The following CREBBP variants were observed in gnomAD, a reference collection of about 807,000 sequenced individuals.
CREBBP encodes CREB-binding protein.
Under a neutral mutation model 265.0 loss-of-function variants are expected in CREBBP, and 19 were observed. The ratio of observed to expected loss-of-function variants is 0.07; its 90% CI spans 0.05 to 0.11. CREBBP has a LOEUF of 0.11. CREBBP is among the 10% of genes least tolerant of loss of function. The pLI is 1.00. For missense variants in CREBBP, 2,525 were observed against 3,219.0 expected (o/e 0.78, Z 5.22); for synonymous variants, 1,457 against 1,223.7 (o/e 1.19, Z -3.98).
intron 2 of CREBBP, among the ~76,000 whole-genome samples, chr16:3,826,220 G>A (rs1031506657): frequency 2.0e-5 from 3 of 152,072 alleles, no homozygotes; most frequent in African/African-American, 7.2e-5. Context: ...CTCGGCGGGC[G>A]GGGAGCAAGA....
At chr16:3,879,746 T>A (rs2055485403) in intron 1 of CREBBP, 86 bp downstream of exon 1, 1 of 1,407,316 alleles carries the variant, frequency 7.1e-7, no homozygotes, top group Admixed American at 2.0e-5. Context: ...TCGATCGGTA[T>A]CCGCGACCAC....
intron 1 of CREBBP, among the ~76,000 whole-genome samples, chr16:3,874,116 G>C (rs1322864275): frequency 6.6e-6 from 1 of 152,094 alleles, no homozygotes; most frequent in Admixed American, 6.5e-5. Flanking sequence ...TCAACAAAAA[G>C]CAAAAGAACA....
rs2054802099 is a variant in CREBBP at position 3,850,309 on chromosome 16, T to C, written c.786A>G (p.Gly262=). 2 of 1,614,130 alleles carry C rather than the reference T, an allele frequency of 1.2e-6. No individual in the cohort carries two copies. The highest frequency in any genetic ancestry group is 2.2e-5 in the South Asian group (2 of 91,094). The change falls in exon 2 of 31, where the codon GGA becomes GGG. Residue 262 remains glycine, a synonymous_variant. Coordinates refer to ENST00000262367, the MANE Select transcript of CREBBP (RefSeq NM_004380.3). The part of the protein sequence containing the change: ...GHAGLNTAQA[G]GMAKMGITGN... ...TCAGTTCACTTACCTTGGCCATGCCTCCTGCCTGTGCGGTGTTCAGTCCCG... is the reference window on the plus strand; with the variant it reads ...TCAGTTCACTTACCTTGGCCATGCCCCCTGCCTGTGCGGTGTTCAGTCCCG...
chr16:3,815,345 G>A (rs2054016783), intron 2 of CREBBP, among the ~76,000 whole-genome samples: 1 of 151,992 alleles, frequency 6.6e-6, no homozygotes. Context: ...TTCGAGACCA[G>A]CCTGGCCAAC....
intron 28 of CREBBP, among the ~76,000 whole-genome samples, chr16:3,733,137 C>T (rs1178436452): frequency 3.3e-4 from 50 of 151,866 alleles, no homozygotes; most frequent in African/African-American, 2.4e-5. Context: ...CCAAGGCAGG[C>T]GGATCTCGAG....
At chr16:3,790,122 T>C (rs953069368) in intron 5 of CREBBP, among the ~76,000 whole-genome samples, 2 of 152,156 alleles carry the variant, frequency 1.3e-5, no homozygotes, top group East Asian at 1.9e-4. Flanking sequence ...AAAGAGCCTA[T>C]TACTGAAATG....
At position 3,731,711 on chromosome 16, in the gene CREBBP, C is replaced by T. The variant is rs2151318395; in HGVS notation, c.4890+65G>A. On this transcript the variant is annotated intron_variant, in intron 29 of 30. Coordinates refer to ENST00000262367, the MANE Select transcript of CREBBP (RefSeq NM_004380.3). The surrounding 1 kb of genome is among the most constrained non-coding windows in gnomAD (Gnocchi z 7.7). ...AGACCTGCACACGGGCCCACGCCCG[C>T]CAGCTGCGAGTCTTTCCCTCCTCCC... The T allele has an allele frequency of 6.2e-7, 1 of 1,608,930 alleles. No homozygotes were observed. The highest frequency in any genetic ancestry group is 8.5e-7 in the Non-Finnish European group (1 of 1,176,142).
intron 1 of CREBBP, among the ~76,000 whole-genome samples, chr16:3,866,760 C>T (rs1295455135): frequency 6.6e-6 from 1 of 152,030 alleles, no homozygotes; most frequent in African/African-American, 2.4e-5. Flanking sequence ...TAGAAATTTC[C>T]TACATACACC....
Position 3,729,779 on chromosome 16 carries a change from C to T in CREBBP, c.5268G>A (p.Gln1756=), listed in dbSNP as rs2051860601. 1.2e-6 allele frequency: 2 copies of T among 1,606,082 alleles called. No homozygotes were observed. Among genetic ancestry groups the T allele is most frequent in the Non-Finnish European group, 1.7e-6 (2 of 1,179,530 alleles). ...GGGGGCTCTTTGACTGTGGCTCGCC[C>T]TGGCTGCTGCCCTCGTCATCCAGGC... ...GLGLDDEGSS[Q]GEPQSKSPQE... is the part of the protein sequence containing the mutation. Residue 1756 remains glutamine, a synonymous_variant, in exon 31 of 31, where the codon CAG becomes CAA. Transcript: ENST00000262367.
Position 3,828,161 on chromosome 16 carries a change from C to T in CREBBP, c.799-17382G>A, listed in dbSNP as rs566497345. Among the ~76,000 whole-genome samples, 99 of 152,052 alleles carry T rather than the reference C, an allele frequency of 6.5e-4. 1 individual carries two copies. The highest frequency in any genetic ancestry group is 2.2e-3 in the African/African-American group (92 of 41,484). On this transcript the variant is annotated intron_variant, in intron 2 of 30. Coordinates refer to ENST00000262367, the MANE Select transcript of CREBBP (RefSeq NM_004380.3). The stretch of plus-strand genomic sequence containing the variant: ...AGGCTAGAGTGCAGTGGCGCAACCT[C>T]GGCTCACCGCAACCTCTGCCTCCTG...
chr16:3,743,341 T>G (rs1383312437), intron 23 of CREBBP: 1 of 152,260 alleles, frequency 6.6e-6, no homozygotes, highest in Non-Finnish European at 1.5e-5. Flanking sequence ...ATGAGTGATA[T>G]TTCACAAGTT....
At chr16:3,848,507 GA>G (rs772908108) in intron 2 of CREBBP, among the ~76,000 whole-genome samples, 7 of 152,130 alleles carry the variant, frequency 4.6e-5, no homozygotes, top group Non-Finnish European at 8.8e-5. Flanking sequence ...GACGGATGAT[GA>G]AATGTGTTTC....
intron 1 of CREBBP, among the ~76,000 whole-genome samples, chr16:3,878,833 C>G (rs1156949381): frequency 6.6e-6 from 1 of 152,192 alleles, no homozygotes; most frequent in Non-Finnish European, 1.5e-5. Context: ...GGAAATACAA[C>G]TAGTTCATGT....
At chr16:3,780,704 T>C in intron 8 of CREBBP, 28 bp downstream of exon 8, 2 of 1,612,636 alleles carry the variant, frequency 1.2e-6, no homozygotes, top group Non-Finnish European at 1.7e-6. Flanking sequence ...AAATCAAACA[T>C]CTATGAAACT....
chr16:3,823,016 TC>T (rs1487268520), intron 2 of CREBBP, among the ~76,000 whole-genome samples: 7 of 152,156 alleles, frequency 4.6e-5, no homozygotes, highest in African/African-American at 1.7e-4. Flanking sequence ...GAGAAAACGT[TC>T]CTTCTAAGTT....
chr16:3,809,013 T>C (rs2053885288), intron 3 of CREBBP, among the ~76,000 whole-genome samples: 1 of 152,170 alleles, frequency 6.6e-6, no homozygotes. Context: ...GTTCTGGACC[T>C]GCACTATCAG....
chr16:3,874,982 CCTAA>C (rs1289603496), intron 1 of CREBBP, among the ~76,000 whole-genome samples: 5 of 152,208 alleles, frequency 3.3e-5, no homozygotes, highest in African/African-American at 1.2e-4. Context: ...AAATCATTTT[CCTAA>C]CTGTTTTCAA....
At chr16:3,754,142 A>G (rs2052536174) in intron 19 of CREBBP, among the ~76,000 whole-genome samples, 1 of 151,922 alleles carries the variant, frequency 6.6e-6, no homozygotes, top group African/African-American at 2.4e-5. Flanking sequence ...TTATCAACAG[A>G]CTCCTTGTCT....
At chr16:3,788,108 G>A (rs1264431691) in intron 5 of CREBBP, among the ~76,000 whole-genome samples, 3 of 152,218 alleles carry the variant, frequency 2.0e-5, no homozygotes, top group Non-Finnish European at 2.9e-5. Flanking sequence ...GGGACAGTGC[G>A]TGCATTAGGC....
Sources: allele counts gnomAD v4.1 joint callset (sites outside exome capture counted in the v4.1 genomes callset), GRCh38; gene constraint gnomAD v4.1.1; non-coding constraint Gnocchi (gnomAD v3.1); transcripts MANE v1.5; gene names NCBI Gene and HGNC (gene_info 2026-07-23, HGNC 2026-07-21).